Variants in ATG13 observed in about 807,000 individuals in gnomAD.
ATG13 encodes the protein autophagy related 13, also known as autophagy-related protein 13.
A neutral mutation model predicts 65.5 loss-of-function variants in ATG13; 23 were observed. The ratio of observed to expected loss-of-function variants is 0.35; its 90% CI spans 0.25 to 0.50. The LOEUF is 0.50. Among genes scored for constraint, ATG13 ranks in the 20% least tolerant of loss-of-function variants. The pLI, the probability that ATG13 is intolerant of heterozygous loss-of-function variation, is 0.98. For synonymous variants in ATG13, 252 were observed against 245.2 expected (o/e 1.03, Z -0.26); for missense variants, 566 against 677.0 (o/e 0.84, Z 1.82).
At position 46,664,028 on chromosome 11, in the gene ATG13, A is replaced by G. The variant is rs1378550671; in HGVS notation, c.821A>G (p.Gln274Arg). The change falls in exon 12 of 19, where the codon CAG becomes CGG. Residue 274 changes from glutamine (Q) to arginine (R), a missense_variant. Around this residue, in one of 2 missense-constraint regions of ATG13, gnomAD observed 387 missense variants for 409.8 expected, o/e 0.94. Transcript: ENST00000683050. ...CVFTVTKAHF[Q>R]TPTPVVTDTL... ...TTTACTGTCACAAAGGCACATTTTCAGACCCCTACTCCTGTGGTGACGGAC... is the reference window on the plus strand; with the variant it reads ...TTTACTGTCACAAAGGCACATTTTCGGACCCCTACTCCTGTGGTGACGGAC... 1 of 1,593,852 alleles carries G rather than the reference A, an allele frequency of 6.3e-7. No homozygotes were observed. Among genetic ancestry groups the G allele is most frequent in the Non-Finnish European group, 8.5e-7 (1 of 1,179,140 alleles).
chr11:46,669,888 T>G (rs1034216674), intron 18 of ATG13, among the ~76,000 whole-genome samples: 3 of 152,180 alleles, frequency 2.0e-5, no homozygotes, highest in Admixed American at 2.0e-4. Flanking sequence ...CAGAGGAGAT[T>G]GTGAGGTCCT....
At chr11:46,643,208 TG>T (rs1416205390) in intron 2 of ATG13, among the ~76,000 whole-genome samples, 1 of 152,110 alleles carries the variant, frequency 6.6e-6, no homozygotes, top group East Asian at 1.9e-4. Flanking sequence ...GTTCAGGGGT[TG>T]GGGGTTGGCG....
intron 11 of ATG13, among the ~76,000 whole-genome samples, chr11:46,660,466 G>T (rs1185945633): frequency 6.8e-6 from 1 of 146,908 alleles, no homozygotes; most frequent in Non-Finnish European, 1.5e-5. Context: ...CTGGAATGCA[G>T]TGGCATGATT....
chr11:46,643,237 C>T (rs1341093148), intron 2 of ATG13, among the ~76,000 whole-genome samples: 1 of 152,140 alleles, frequency 6.6e-6, no homozygotes, highest in Admixed American at 6.5e-5. Flanking sequence ...CCCAGTTTAG[C>T]TTGGGATCAA....
intron 1 of ATG13, among the ~76,000 whole-genome samples, chr11:46,622,113 ATATATATATATATATT>A (rs2047844309): frequency 1.2e-5 from 1 of 80,458 alleles, no homozygotes; most frequent in East Asian, 3.5e-4. Flanking sequence ...ATATATATAT[ATATATATATATATATT>A]TATTTTAGAG....
chr11:46,640,121 A>G (rs1254575792), intron 2 of ATG13, among the ~76,000 whole-genome samples: 2 of 152,194 alleles, frequency 1.3e-5, no homozygotes, highest in African/African-American at 4.8e-5. Context: ...CTGGGATTAC[A>G]GGCATGAGCC....
chr11:46,624,037 C>G (rs568918603), intron 1 of ATG13, among the ~76,000 whole-genome samples: 1 of 146,816 alleles, frequency 6.8e-6, no homozygotes, highest in Non-Finnish European at 1.5e-5. Flanking sequence ...GATGGAGTCT[C>G]GCTGTCACCC....
chr11:46,672,545 G>A lies in ATG13; in HGVS notation c.*213G>A, dbSNP rs557886935. On this transcript the variant is annotated 3_prime_UTR_variant, in exon 19 of 19. Coordinates refer to ENST00000683050, the MANE Select transcript of ATG13 (RefSeq NM_001346311.2). Reference sequence around the variant, plus strand: ...CAGTGCCCAGTTGGAGAAGACTCACGTGCTGGCCTTGGAGATGGGAAGAAC... The same window carrying A: ...CAGTGCCCAGTTGGAGAAGACTCACATGCTGGCCTTGGAGATGGGAAGAAC... 2.3e-5 allele frequency: 34 copies of A among 1,453,590 alleles called. No individual in the cohort carries two copies. The highest frequency in any genetic ancestry group is 1.8e-4 in the East Asian group (7 of 38,488). The allele number at this position is 1,453,590 out of a possible 1,614,324, so 90.0% of individuals were successfully genotyped here.
chr11:46,646,123 T>A, intron 5 of ATG13, 134 bp downstream of exon 5: 2 of 1,214,526 alleles, frequency 1.6e-6, no homozygotes, highest in Non-Finnish European at 2.2e-6. Flanking sequence ...GGGGTCATAG[T>A]TTTTTTTGTT....
intron 7 of ATG13, among the ~76,000 whole-genome samples, chr11:46,654,283 T>TATATATATATATATATATATATATATATA (rs1555105175): frequency 4.1e-5 from 5 of 122,308 alleles, no homozygotes; most frequent in African/African-American, 1.0e-4. Context: ...TTTTAAAATT[T>TATATATATATATATATATATATATATATA]TATATATATA....
intron 3 of ATG13, 125 bp from the exon 4 acceptor site, chr11:46,645,214 A>G: frequency 1.4e-6 from 1 of 710,472 alleles, no homozygotes; most frequent in Admixed American, 3.1e-5. Flanking sequence ...TTCCCAAAGT[A>G]TACTTATGAT....
At chr11:46,664,313 A>G (rs1049406088) in intron 12 of ATG13, among the ~76,000 whole-genome samples, 1 of 152,212 alleles carries the variant, frequency 6.6e-6, no homozygotes, top group African/African-American at 2.4e-5. Context: ...TGTGAAAAAT[A>G]CATGGAGTTA....
intron 16 of ATG13, 101 bp downstream of exon 16, chr11:46,668,677 C>T (rs1432635023): frequency 6.0e-6 from 9 of 1,500,108 alleles, no homozygotes; most frequent in South Asian, 2.3e-5. Flanking sequence ...AAACCATGGC[C>T]CCTCGGCTTA....
intron 5 of ATG13, 66 bp from the exon 6 acceptor site, chr11:46,649,071 A>AGCT: frequency 7.3e-7 from 1 of 1,367,168 alleles, no homozygotes. Context: ...ATATTTTTAT[A>AGCT]GTGACTGTAA....
chr11:46,631,003 T>C (rs1239245082), intron 2 of ATG13: 1 of 152,302 alleles, frequency 6.6e-6, no homozygotes, highest in East Asian at 1.9e-4. Flanking sequence ...TGAGTCACCA[T>C]GCCCAGCCTA....
rs536560742 is a variant in ATG13 at position 46,646,106 on chromosome 11, C to T, written c.270+117C>T. On this transcript the variant is annotated intron_variant, in intron 5 of 18. Coordinates refer to ENST00000683050, the MANE Select transcript of ATG13 (RefSeq NM_001346311.2). Reference sequence around the variant, plus strand: ...TTTCCTCTCTGATATTCTTATCATTCTCTGAGGGGGTCATAGTTTTTTTTG... The same window carrying T: ...TTTCCTCTCTGATATTCTTATCATTTTCTGAGGGGGTCATAGTTTTTTTTG... 1.5e-5 allele frequency: 20 copies of T among 1,346,498 alleles called. No individual in the cohort carries two copies. The South Asian group carries it at 2.8e-4, about 19-fold the overall frequency. The allele number at this position is 1,346,498 out of a possible 1,614,324, so 83.4% of individuals were successfully genotyped here.
At chr11:46,637,504 C>T (rs892700007) in intron 2 of ATG13, among the ~76,000 whole-genome samples, 1 of 152,108 alleles carries the variant, frequency 6.6e-6, no homozygotes, top group African/African-American at 2.4e-5. Flanking sequence ...TCCCGAGCAG[C>T]TGGGATTACA....
At chr11:46,628,467 T>C (rs1321659349) in intron 1 of ATG13, among the ~76,000 whole-genome samples, 1 of 152,142 alleles carries the variant, frequency 6.6e-6, no homozygotes, top group Non-Finnish European at 1.5e-5. Context: ...GCAAATAGTT[T>C]TTTTTTTTAA....
At position 46,671,024 on chromosome 11, in the gene ATG13, T is replaced by A. The variant is rs535846445; in HGVS notation, c.1576-1231T>A. On this transcript the variant is annotated intron_variant, in intron 18 of 18. Transcript: ENST00000683050. The stretch of plus-strand genomic sequence containing the variant: ...ATCTTAGAGGATCTGGTTCCTCAAT[T>A]TAGCCTTTTAACCACTAAACTCCCT... Among the ~76,000 whole-genome samples the A allele has an allele frequency of 4.6e-5, 7 of 152,268 alleles. No individual in the cohort carries two copies. In the Middle Eastern group the frequency reaches 0.017, roughly 370 times the overall value.
Sources: gnomAD v4.1 joint callset for allele counts (sites outside exome capture counted in the v4.1 genomes callset) on GRCh38, gnomAD v4.1.1 for gene constraint, gnomAD v4.1.1 regional missense constraint, MANE v1.5 for transcripts, NCBI Gene and HGNC (gene_info 2026-07-23, HGNC 2026-07-21) for gene names.